ADGRL3: variants seen among roughly 807,000 people sequenced by gnomAD.
ADGRL3 encodes adhesion G protein-coupled receptor L3.
In ADGRL3, 62 loss-of-function variants were observed where a neutral mutation model predicts 153.5. That is an observed-to-expected ratio of 0.40 (90% confidence interval 0.33 to 0.50). ADGRL3 has a LOEUF of 0.50. Among genes scored for constraint, ADGRL3 ranks in the 20% least tolerant of loss-of-function variants. The pLI, the probability that ADGRL3 is intolerant of heterozygous loss-of-function variation, is 0.47. For missense variants in ADGRL3, 1,641 were observed against 1,859.4 expected (o/e 0.88, Z 2.16); for synonymous variants, 710 against 672.5 (o/e 1.06, Z -0.86).
At chr4:61,413,041 A>G (rs2097105682) in intron 2 of ADGRL3, among the ~76,000 whole-genome samples, 1 of 152,266 alleles carries the variant, frequency 6.6e-6, no homozygotes, top group African/African-American at 2.4e-5. Flanking sequence ...TTTTATTTAA[A>G]TCTTCCGTTT....
intron 8 of ADGRL3, among the ~76,000 whole-genome samples, chr4:61,755,153 C>T (rs906391531): frequency 3.9e-5 from 6 of 152,142 alleles, no homozygotes; most frequent in Non-Finnish European, 8.8e-5. Flanking sequence ...ATGGCTGGGT[C>T]AAATGGTATT....
intron 1 of ADGRL3, chr4:61,211,874 A>G (rs767205022): frequency 2.0e-5 from 3 of 152,234 alleles, no homozygotes; most frequent in Non-Finnish European, 4.4e-5. Context: ...TACAATGACA[A>G]TGTACAATGC....
intron 1 of ADGRL3, among the ~76,000 whole-genome samples, chr4:61,279,593 A>G (rs572314289): frequency 1.3e-5 from 2 of 152,300 alleles, no homozygotes; most frequent in African/African-American, 2.4e-5. Flanking sequence ...GGCCACATCT[A>G]TGATTCTATA....
At chr4:61,445,835 G>GA (rs1338191953) in intron 2 of ADGRL3, among the ~76,000 whole-genome samples, 1 of 152,140 alleles carries the variant, frequency 6.6e-6, no homozygotes, top group African/African-American at 2.4e-5. Context: ...TAATGGAGCT[G>GA]AAAAAATACT....
intron 5 of ADGRL3, among the ~76,000 whole-genome samples, chr4:61,597,305 T>C (rs538534469): frequency 5.9e-5 from 9 of 152,232 alleles, no homozygotes; most frequent in South Asian, 2.1e-4. Flanking sequence ...GAAGGAGAGA[T>C]AGTTGTTACG....
chr4:61,369,795 G>A (rs1265435130), intron 1 of ADGRL3, among the ~76,000 whole-genome samples: 3 of 152,118 alleles, frequency 2.0e-5, no homozygotes, highest in Non-Finnish European at 2.9e-5. Flanking sequence ...AATAGTTTCA[G>A]AAGGAATGGT....
chr4:61,990,325 A>G (rs1375130839), intron 19 of ADGRL3, among the ~76,000 whole-genome samples: 2 of 152,048 alleles, frequency 1.3e-5, no homozygotes, highest in African/African-American at 4.8e-5. Context: ...TATAATGTCC[A>G]GAATAGGCGA....
intron 11 of ADGRL3, among the ~76,000 whole-genome samples, chr4:61,904,164 GT>G: frequency 8.4e-6 from 1 of 119,000 alleles, no homozygotes; most frequent in African/African-American, 3.0e-5. Context: ...GAAGGATTAA[GT>G]TTATTGTTCA....
At chr4:61,597,073 T>C (rs1330171415) in intron 5 of ADGRL3, among the ~76,000 whole-genome samples, 2 of 151,854 alleles carry the variant, frequency 1.3e-5, no homozygotes, top group East Asian at 3.9e-4. Context: ...TATATAAATA[T>C]ATTATGTGTT....
Position 61,847,861 on chromosome 4 carries a change from T to C in ADGRL3, c.1480+33972T>C, listed in dbSNP as rs1290858178. ...TATATAATATAAAATATATTATATATAATATAAAATATATTATATATAATA... is the reference window on the plus strand; with the variant it reads ...TATATAATATAAAATATATTATATACAATATAAAATATATTATATATAATA... On this transcript the variant is annotated intron_variant, in intron 9 of 26. Coordinates refer to ENST00000683033, the MANE Select transcript of ADGRL3 (RefSeq NM_001387552.1). Among the ~76,000 whole-genome samples, 23 of 18,566 alleles carry C rather than the reference T, an allele frequency of 1.2e-3. 1 individual carries two copies. Among genetic ancestry groups the C allele is most frequent in the African/African-American group, 3.3e-3 (23 of 6,914 alleles). The allele number at this position is 18,566 out of a possible 152,430, so 12.2% of individuals were successfully genotyped here. A position where few individuals can be genotyped will look rare whatever the true frequency, so the allele number is the denominator to read the frequency against.
At chr4:61,288,414 A>G (rs973239016) in intron 1 of ADGRL3, among the ~76,000 whole-genome samples, 1 of 151,960 alleles carries the variant, frequency 6.6e-6, no homozygotes, top group South Asian at 2.1e-4. Flanking sequence ...TTTGGTTGGT[A>G]GTTGCTGCTG....
chr4:61,826,475 C>G (rs1161293070), intron 9 of ADGRL3, among the ~76,000 whole-genome samples: 7 of 151,966 alleles, frequency 4.6e-5, no homozygotes, highest in Non-Finnish European at 1.0e-4. Flanking sequence ...AAAAAGTAAA[C>G]AAATAAATGG....
chr4:61,275,438 A>G (rs1295217167), intron 1 of ADGRL3, among the ~76,000 whole-genome samples: 1 of 152,152 alleles, frequency 6.6e-6, no homozygotes, highest in Non-Finnish European at 1.5e-5. Context: ...TTTCATTTTC[A>G]TAGGATGTGC....
intron 17 of ADGRL3, among the ~76,000 whole-genome samples, chr4:61,954,689 T>A (rs1471977290): frequency 6.6e-6 from 1 of 152,056 alleles, no homozygotes; most frequent in Non-Finnish European, 1.5e-5. Context: ...TGTGTCCTAG[T>A]TAGACCTAAG....
At chr4:62,033,462 T>C (rs1723285283) in intron 23 of ADGRL3, among the ~76,000 whole-genome samples, 1 of 151,550 alleles carries the variant, frequency 6.6e-6, no homozygotes, top group South Asian at 2.1e-4. Flanking sequence ...AGAACGAGAA[T>C]CAAGATGATA....
intron 2 of ADGRL3, among the ~76,000 whole-genome samples, chr4:61,434,581 T>G (rs2097420894): frequency 6.6e-6 from 1 of 150,964 alleles, no homozygotes; most frequent in African/African-American, 2.4e-5. Context: ...GGTTTCTTTC[T>G]CCTTTATCAA....
intron 9 of ADGRL3, among the ~76,000 whole-genome samples, chr4:61,863,642 T>C (rs2098371564): frequency 6.6e-6 from 1 of 151,902 alleles, no homozygotes; most frequent in Non-Finnish European, 1.5e-5. Context: ...ACATATGAAA[T>C]AGCTTTCTTT....
rs1417916826 is a variant in ADGRL3 at position 62,077,703 on chromosome 4, G to T, written c.*6795G>T. ...AAGTTGTCAAACTGGTTTACATATT[G>T]AATGACATTTTGAATCAATAAAAAT... is the stretch of plus-strand genomic sequence containing the variant. On this transcript the variant is annotated 3_prime_UTR_variant, in exon 27 of 27. Transcript: ENST00000683033. The T allele has an allele frequency of 6.6e-6, 1 of 151,738 alleles. No individual in the cohort carries two copies. Among genetic ancestry groups the T allele is most frequent in the Non-Finnish European group, 1.5e-5 (1 of 67,832 alleles). 9.4% of individuals were successfully genotyped at this position (151,738 alleles called of 1,614,324 possible).
intron 19 of ADGRL3, among the ~76,000 whole-genome samples, chr4:61,988,748 T>C (rs1330828976): frequency 1.3e-5 from 2 of 152,058 alleles, no homozygotes; most frequent in Admixed American, 1.3e-4. Context: ...GAATTAGAAG[T>C]GGGTACCAGG....
Sources: gnomAD v4.1 joint callset for allele counts (sites outside exome capture counted in the v4.1 genomes callset) on GRCh38, gnomAD v4.1.1 for gene constraint, MANE v1.5 for transcripts, NCBI Gene and HGNC (gene_info 2026-07-23, HGNC 2026-07-21) for gene names.